MTUS2: variants seen among roughly 807,000 people sequenced by gnomAD.
The protein encoded by MTUS2 is microtubule-associated tumor suppressor candidate 2.
Under a neutral mutation model 114.1 loss-of-function variants are expected in MTUS2, and 40 were observed. That is an observed-to-expected ratio of 0.35 (90% CI 0.27 to 0.46). The LOEUF is 0.46. MTUS2 is among the 20% of genes least tolerant of loss of function. The probability of loss-of-function intolerance (pLI) is 1.00; values close to 1 mark genes in which losing one functional copy is unlikely to be tolerated. For synonymous variants in MTUS2, 688 were observed against 672.0 expected (o/e 1.02, Z -0.37); for missense variants, 1,679 against 1,705.4 (o/e 0.98, Z 0.27).
chr13:29,414,999 GT>G (rs1261851510), intron 8 of MTUS2, among the ~76,000 whole-genome samples: 12 of 140,766 alleles, frequency 8.5e-5, no homozygotes, highest in East Asian at 2.1e-4. Context: ...TTTTGGTTTG[GT>G]TTTTTTTTTT....
intron 5 of MTUS2, among the ~76,000 whole-genome samples, chr13:29,230,470 T>A (rs1450874024): frequency 6.6e-6 from 1 of 152,192 alleles, no homozygotes; most frequent in Admixed American, 6.5e-5. Flanking sequence ...CTGGCTTACA[T>A]CTTTATATGT....
chr13:28,913,452 G>A (rs750470630), intron 2 of MTUS2, among the ~76,000 whole-genome samples: 3 of 152,006 alleles, frequency 2.0e-5, no homozygotes, highest in African/African-American at 4.8e-5. Flanking sequence ...CTTGCGTCAC[G>A]GGGATGAAGC....
At chr13:29,124,589 C>T (rs924582058) in intron 5 of MTUS2, among the ~76,000 whole-genome samples, 5 of 152,008 alleles carry the variant, frequency 3.3e-5, no homozygotes, top group Non-Finnish European at 5.9e-5. Context: ...GATATATACC[C>T]CAAAAATGTG....
chr13:29,027,183 G>A (rs1443164842), intron 3 of MTUS2, among the ~76,000 whole-genome samples: 1 of 152,116 alleles, frequency 6.6e-6, no homozygotes, highest in Non-Finnish European at 1.5e-5. Flanking sequence ...AGATGAGTAT[G>A]CCTTAAATAG....
At chr13:28,948,752 G>A (rs1050166940) in intron 2 of MTUS2, among the ~76,000 whole-genome samples, 2 of 152,184 alleles carry the variant, frequency 1.3e-5, no homozygotes, top group Admixed American at 6.5e-5. Context: ...GTGTGTGGCA[G>A]CAGGGGAACA....
chr13:29,064,993 T>C (rs2138663164), intron 4 of MTUS2, among the ~76,000 whole-genome samples: 1 of 152,368 alleles, frequency 6.6e-6, no homozygotes, highest in South Asian at 2.1e-4. Context: ...TTCCACGGTA[T>C]GTATGTTCCA....
chr13:29,297,323 C>T (rs1056090703), intron 6 of MTUS2, among the ~76,000 whole-genome samples: 1 of 152,250 alleles, frequency 6.6e-6, no homozygotes, highest in South Asian at 2.1e-4. Flanking sequence ...TTATGAAAGT[C>T]GTTTCTTATT....
At chr13:29,471,742 G>GCCCCCCCCCCCC (rs559849711) in intron 9 of MTUS2, among the ~76,000 whole-genome samples, 3 of 131,598 alleles carry the variant, frequency 2.3e-5, no homozygotes, top group Non-Finnish European at 3.2e-5. Flanking sequence ...TGCAGGCCCA[G>GCCCCCCCCCCCC]CCCCCCCCGA....
chr13:29,284,559 T>C (rs1404417704), intron 6 of MTUS2, among the ~76,000 whole-genome samples: 1 of 152,062 alleles, frequency 6.6e-6, no homozygotes, highest in Non-Finnish European at 1.5e-5. Flanking sequence ...AAAGATAATA[T>C]CTAAAACTCA....
chr13:29,287,077 G>A (rs1231939656), intron 6 of MTUS2, among the ~76,000 whole-genome samples: 1 of 152,198 alleles, frequency 6.6e-6, no homozygotes, highest in Non-Finnish European at 1.5e-5. Context: ...ACCCTAAGAG[G>A]TAGGCAGGGA....
intron 8 of MTUS2, among the ~76,000 whole-genome samples, chr13:29,423,825 T>A (rs1043115451): frequency 2.6e-5 from 4 of 152,168 alleles, no homozygotes; most frequent in Non-Finnish European, 4.4e-5. Flanking sequence ...TAAGTTCTAG[T>A]GTTGGATAGC....
chr13:29,015,982 G>T (rs952101938), intron 2 of MTUS2, among the ~76,000 whole-genome samples: 2 of 152,004 alleles, frequency 1.3e-5, no homozygotes, highest in Non-Finnish European at 2.9e-5. Flanking sequence ...TCGGCCCAGT[G>T]CAACCTCCGC....
chr13:29,166,570 T>G (rs1289218685), intron 5 of MTUS2, among the ~76,000 whole-genome samples: 3 of 152,260 alleles, frequency 2.0e-5, no homozygotes, highest in Non-Finnish European at 4.4e-5. Context: ...GGATACAGTT[T>G]TGTTTCTAGG....
At chr13:29,216,158 T>A (rs1895672092) in intron 5 of MTUS2, among the ~76,000 whole-genome samples, 2 of 152,252 alleles carry the variant, frequency 1.3e-5, no homozygotes, top group Non-Finnish European at 2.9e-5. Flanking sequence ...CCAAACTTTC[T>A]GGCAGCTTCG....
At chr13:29,307,479 T>C in intron 6 of MTUS2, 1 of 1,310,366 alleles carries the variant, frequency 7.6e-7, no homozygotes. Flanking sequence ...TGGCCTTCTG[T>C]GTCCCCACTG....
intron 5 of MTUS2, among the ~76,000 whole-genome samples, chr13:29,170,991 T>A (rs1229477759): frequency 6.6e-6 from 1 of 152,210 alleles, no homozygotes; most frequent in Non-Finnish European, 1.5e-5. Flanking sequence ...GCTCACTGAC[T>A]GGTAGCCTGA....
chr13:29,060,771 C>T (rs1278593774), intron 4 of MTUS2, among the ~76,000 whole-genome samples: 3 of 149,766 alleles, frequency 2.0e-5, no homozygotes, highest in South Asian at 2.1e-4. Context: ...TCTTTTTATC[C>T]CCTTTCACTC....
At chr13:29,447,803 C>T (rs189994509) in intron 9 of MTUS2, among the ~76,000 whole-genome samples, 12 of 151,860 alleles carry the variant, frequency 7.9e-5, no homozygotes, top group South Asian at 4.2e-4. Flanking sequence ...GCACCACACC[C>T]AGGGAGGAAA....
At chr13:28,982,314 A>G (rs542821207) in intron 2 of MTUS2, among the ~76,000 whole-genome samples, 5 of 151,818 alleles carry the variant, frequency 3.3e-5, no homozygotes, top group Admixed American at 2.0e-4. Flanking sequence ...ACAGTGAGCT[A>G]CTACTTCACA....
Sources: gnomAD v4.1 joint callset for allele counts (sites outside exome capture counted in the v4.1 genomes callset) on GRCh38, gnomAD v4.1.1 for gene constraint, MANE v1.5 for transcripts, NCBI Gene and HGNC (gene_info 2026-07-23, HGNC 2026-07-21) for gene names.